Variants in PRIMPOL observed in about 807,000 individuals in gnomAD.
PRIMPOL encodes primase and DNA directed polymerase.
In PRIMPOL, 54 loss-of-function variants were observed where a neutral mutation model predicts 63.6. That is an observed-to-expected ratio of 0.85 (90% CI 0.68 to 1.07). The LOEUF is 1.07. Ranked by LOEUF, PRIMPOL falls within the 50% of genes least tolerant of loss-of-function variation. The pLI is 0.00. For synonymous variants in PRIMPOL, 197 were observed against 220.2 expected (o/e 0.89, Z 0.93); for missense variants, 610 against 648.3 (o/e 0.94, Z 0.64).
rs1756783351 is a variant in PRIMPOL at position 184,685,603 on chromosome 4, C to A, written c.1214C>A (p.Pro405Gln). ...GGIRRWNYFF[P>Q]EELLVYDICK... is the part of the protein sequence containing the mutation. ...ATTCGGCGTTGGAACTACTTTTTCC[C>A]AGAAGAATTACTGGTTTATGATATT... Residue 405 changes from proline (P) to glutamine (Q), a missense_variant, in exon 11 of 14, where the codon CCA becomes CAA. Pro to Gln is a moderately conservative substitution (Grantham distance 76, BLOSUM62 -1). Around this residue, in one of 3 missense-constraint regions of PRIMPOL, gnomAD observed 444 missense variants for 456.4 expected, o/e 0.97. Transcript: ENST00000314970. 6.2e-7 allele frequency: 1 copy of A among 1,612,430 alleles called. No individual in the cohort carries two copies. Among genetic ancestry groups the A allele is most frequent in the Non-Finnish European group, 8.5e-7 (1 of 1,178,864 alleles).
chr4:184,693,756 TTA>T (rs1759675944), intron 13 of PRIMPOL, among the ~76,000 whole-genome samples: 1 of 145,708 alleles, frequency 6.9e-6, no homozygotes, highest in African/African-American at 2.6e-5. Flanking sequence ...TACATACGCA[TTA>T]TTTTTGATGA....
Position 184,672,451 on chromosome 4 carries a change from G to T in PRIMPOL, c.835G>T (p.Val279Leu). 6.2e-7 allele frequency: 1 copy of T among 1,603,950 alleles called. No homozygotes were observed. The highest frequency in any genetic ancestry group is 8.5e-7 in the Non-Finnish European group (1 of 1,175,720). ...TAACATGGGAGAGAAGCATCTTTTT[G>T]TAGATCTCGGTAAGTAAGATTGACA... The part of the protein sequence containing the change: ...KNNMGEKHLF[V>L]DLGVYTRNRN... Residue 279 changes from valine (V) to leucine (L), a missense_variant, in exon 7 of 14, where the codon GTA (valine) becomes TTA (leucine). Transcript: ENST00000314970.
intron 9 of PRIMPOL, among the ~76,000 whole-genome samples, chr4:184,684,680 A>G (rs942035501): frequency 6.6e-6 from 1 of 152,078 alleles, no homozygotes; most frequent in African/African-American, 2.4e-5. Context: ...GAGGTTGGAA[A>G]GGACCGGGAG....
At chr4:184,658,364 G>C (rs989381113) in intron 3 of PRIMPOL, among the ~76,000 whole-genome samples, 2 of 152,184 alleles carry the variant, frequency 1.3e-5, no homozygotes, top group African/African-American at 4.8e-5. Context: ...AAAAGATATA[G>C]ATAGGGGTAT....
intron 8 of PRIMPOL, among the ~76,000 whole-genome samples, chr4:184,680,824 G>A (rs1480238956): frequency 4.7e-5 from 7 of 150,260 alleles, no homozygotes; most frequent in Non-Finnish European, 7.5e-5. Flanking sequence ...GAATGTTGTT[G>A]GTAGCAGTAG....
intron 9 of PRIMPOL, among the ~76,000 whole-genome samples, chr4:184,684,612 AGCAATGGTGAGCACACACCATGG>A (rs1250003114): frequency 6.6e-6 from 1 of 152,160 alleles, no homozygotes; most frequent in Non-Finnish European, 1.5e-5. Context: ...TTGCCAGGAA[AGCAATGGTGAGCACACACCATGG>A]GAAACTTCAG....
chr4:184,678,600 T>C (rs936661351), intron 8 of PRIMPOL, among the ~76,000 whole-genome samples: 5 of 149,030 alleles, frequency 3.4e-5, no homozygotes, highest in Admixed American at 2.7e-4. Flanking sequence ...CTATCTAGGC[T>C]CAGTGCAAGC....
intron 9 of PRIMPOL, among the ~76,000 whole-genome samples, chr4:184,684,092 A>G (rs1405127598): frequency 6.6e-6 from 1 of 152,166 alleles, no homozygotes; most frequent in East Asian, 1.9e-4. Context: ...ATATTTCTCC[A>G]ATTATATATA....
At position 184,687,597 on chromosome 4, in the gene PRIMPOL, A is replaced by G. The variant is rs191089002; in HGVS notation, c.1295+1913A>G. ...CCATATACGTTCATATCTCTAAACAATATACTGTTTTCTTTTTCTTTTCTT... is the reference window on the plus strand; with the variant it reads ...CCATATACGTTCATATCTCTAAACAGTATACTGTTTTCTTTTTCTTTTCTT... On this transcript the variant is annotated intron_variant, in intron 11 of 13. Transcript: ENST00000314970. 3.6e-3 allele frequency among the ~76,000 whole-genome samples: 547 copies of G among 152,072 alleles called. 14 individuals are homozygous for G. Among genetic ancestry groups the G allele is most frequent in the Admixed American group, 0.031 (478 of 15,254 alleles).
intron 7 of PRIMPOL, among the ~76,000 whole-genome samples, chr4:184,672,828 G>A (rs777752392): frequency 2.2e-4 from 33 of 152,178 alleles, no homozygotes; most frequent in Non-Finnish European, 3.8e-4. Context: ...AGCAGTACTC[G>A]TGTGGCGCGG....
chr4:184,677,677 T>C (rs1354159404), intron 7 of PRIMPOL, among the ~76,000 whole-genome samples: 1 of 152,204 alleles, frequency 6.6e-6, no homozygotes, highest in Non-Finnish European at 1.5e-5. Flanking sequence ...CACAAACAAA[T>C]CCTGCTAGAA....
intron 3 of PRIMPOL, 85 bp downstream of exon 3, chr4:184,657,405 T>TAA: frequency 8.3e-6 from 8 of 960,814 alleles, no homozygotes; most frequent in Non-Finnish European, 1.1e-5. Flanking sequence ...TTCAGTTCTT[T>TAA]AAAAAAAAAA....
In PRIMPOL at chr4:184,691,715, A is replaced by G; in HGVS notation, c.1425+3A>G. 6.2e-7 allele frequency: 1 copy of G among 1,609,272 alleles called. No individual in the cohort carries two copies. The stretch of plus-strand genomic sequence containing the variant: ...GTCTCCTGTTTCTTTTCAAAGAGGT[A>G]AGTACAGATTTTAGTGTCTTTCTCC... On this transcript the variant is annotated splice_donor_region_variant and intron_variant, in intron 13 of 13. Transcript: ENST00000314970.
At chr4:184,655,873 A>G (rs1203171432) in intron 2 of PRIMPOL, among the ~76,000 whole-genome samples, 1 of 152,202 alleles carries the variant, frequency 6.6e-6, no homozygotes, top group African/African-American at 2.4e-5. Context: ...ATTAATGAAG[A>G]GAGGAACTCT....
At chr4:184,670,805 C>T (rs1409546168) in intron 6 of PRIMPOL, among the ~76,000 whole-genome samples, 1 of 152,154 alleles carries the variant, frequency 6.6e-6, no homozygotes, top group Non-Finnish European at 1.5e-5. Context: ...ACCTCAGCCT[C>T]CCAAAATGCT....
At chr4:184,677,900 C>G (rs1754538689) in intron 7 of PRIMPOL, among the ~76,000 whole-genome samples, 1 of 152,110 alleles carries the variant, frequency 6.6e-6, no homozygotes, top group Non-Finnish European at 1.5e-5. Flanking sequence ...TGGTCCTTCC[C>G]TTTTCTCTGG....
Position 184,666,063 on chromosome 4 carries a change from T to C in PRIMPOL, c.555T>C (p.Val185=). ...TGGCATTTAAAGATAATATTCATGTTGGTAAGTACACGGCTTTTTAAAAAT... is the reference window on the plus strand; with the variant it reads ...TGGCATTTAAAGATAATATTCATGTCGGTAAGTACACGGCTTTTTAAAAAT... ...HDVAFKDNIH[V]GNFLRKILQP... is the part of the protein sequence containing the mutation. The change falls in exon 6 of 14, where the codon GTT becomes GTC. Residue 185 remains valine, a splice_region_variant and synonymous_variant. Coordinates refer to ENST00000314970, the MANE Select transcript of PRIMPOL (RefSeq NM_152683.4). 3.1e-6 allele frequency: 5 copies of C among 1,599,878 alleles called. No homozygotes were observed. Among genetic ancestry groups the C allele is most frequent in the Non-Finnish European group, 4.3e-6 (5 of 1,173,888 alleles).
intron 5 of PRIMPOL, among the ~76,000 whole-genome samples, chr4:184,662,500 C>T (rs1021757107): frequency 5.9e-5 from 9 of 152,034 alleles, no homozygotes; most frequent in Non-Finnish European, 1.3e-4. Context: ...TTAGCTGTGT[C>T]AACCAGGAAG....
At chr4:184,650,172 C>T (rs1015247225) in intron 1 of PRIMPOL, among the ~76,000 whole-genome samples, 2 of 152,216 alleles carry the variant, frequency 1.3e-5, no homozygotes, top group Non-Finnish European at 2.9e-5. Flanking sequence ...CACACAGGCT[C>T]AAGCCGCTCA....
Sources: allele counts gnomAD v4.1 joint callset (sites outside exome capture counted in the v4.1 genomes callset), GRCh38; gene constraint gnomAD v4.1.1; regional missense constraint gnomAD v4.1.1; transcripts MANE v1.5; gene names NCBI Gene and HGNC (gene_info 2026-07-23, HGNC 2026-07-21).